Variants in PCMTD1 observed in about 807,000 individuals in gnomAD.
The protein encoded by PCMTD1 is protein-L-isoaspartate (D-aspartate) O-methyltransferase domain containing 1, also known as protein-L-isoaspartate O-methyltransferase domain-containing protein 1.
PCMTD1 carries 12 observed loss-of-function variants against 37.6 expected under a neutral mutation model. The ratio of observed to expected loss-of-function variants is 0.32; its 90% CI spans 0.20 to 0.52. The LOEUF (loss-of-function observed/expected upper bound fraction) is 0.52. Ranked by LOEUF, PCMTD1 falls within the 20% of genes least tolerant of loss-of-function variation. PCMTD1 has a pLI of 0.97. For missense variants in PCMTD1, 235 were observed against 421.3 expected, an observed-to-expected ratio of 0.56 and a Z score of 3.87; for synonymous variants, 117 against 135.8, an observed-to-expected ratio of 0.86 and a Z score of 0.96.
chr8:51,870,086 T>C (rs569385455), intron 1 of PCMTD1, among the ~76,000 whole-genome samples: 1 of 152,250 alleles, frequency 6.6e-6, no homozygotes, highest in East Asian at 1.9e-4. Context: ...AGCAGACCAA[T>C]GGCAGACAGA....
chr8:51,837,550 T>C (rs1450224210), intron 3 of PCMTD1, among the ~76,000 whole-genome samples: 1 of 152,166 alleles, frequency 6.6e-6, no homozygotes, highest in Non-Finnish European at 1.5e-5. Context: ...GGATTATTAT[T>C]TAAATATGGC....
intron 1 of PCMTD1, among the ~76,000 whole-genome samples, chr8:51,866,443 A>G (rs1372215291): frequency 1.3e-5 from 2 of 151,990 alleles, no homozygotes; most frequent in Non-Finnish European, 1.5e-5. Context: ...ATGACCAATC[A>G]AAGTAGATGG....
intron 2 of PCMTD1, among the ~76,000 whole-genome samples, chr8:51,858,139 T>C (rs2038417996): frequency 6.6e-6 from 1 of 152,188 alleles, no homozygotes; most frequent in African/African-American, 2.4e-5. Context: ...AAATCACAGA[T>C]GCCCCACTCT....
In PCMTD1 at chr8:51,878,582, T is replaced by C. The variant is rs539735269; in HGVS notation, c.-95-17336A>G. ...GGCAACATAGTGAGACCCTCATCTC[T>C]ACAAAAAATTTAAAAAATTAGCCAG... On this transcript the variant is annotated intron_variant, in intron 1 of 5. Coordinates refer to ENST00000522514, the MANE Select transcript of PCMTD1 (RefSeq NM_052937.4). 3.3e-5 allele frequency among the ~76,000 whole-genome samples: 5 copies of C among 150,762 alleles called. No individual in the cohort carries two copies. In the East Asian group the frequency reaches 8.1e-4, roughly 24 times the overall value.
chr8:51,890,087 C>T (rs750598999), intron 1 of PCMTD1, among the ~76,000 whole-genome samples: 26 of 145,690 alleles, frequency 1.8e-4, no homozygotes, highest in Non-Finnish European at 2.8e-4. Flanking sequence ...GATTACCTCC[C>T]TTTTCTTTAA....
At chr8:51,899,121 A>G (rs10106734), upstream of PCMTD1, 1,388,025 of 1,418,964 alleles carry the variant, frequency 0.98, 679,093 homozygotes, top group East Asian at 1. Context: ...TGCGCAGAGA[A>G]CCACGGGCAC....
intron 1 of PCMTD1, among the ~76,000 whole-genome samples, chr8:51,865,422 C>T (rs1167503109): frequency 6.6e-6 from 1 of 151,998 alleles, no homozygotes; most frequent in Admixed American, 6.6e-5. Flanking sequence ...CTGCAAAAAT[C>T]CTTAACAAAA....
At chr8:51,859,040 C>A (rs2038433183) in intron 2 of PCMTD1, among the ~76,000 whole-genome samples, 1 of 152,138 alleles carries the variant, frequency 6.6e-6, no homozygotes, top group African/African-American at 2.4e-5. Context: ...GGCAAGATAG[C>A]AAATTATGAT....
chr8:51,847,638 A>G (rs1380683120), intron 2 of PCMTD1, among the ~76,000 whole-genome samples: 1 of 152,192 alleles, frequency 6.6e-6, no homozygotes, highest in East Asian at 1.9e-4. Context: ...AAAAAAGAAA[A>G]AAAAATGAAA....
intron 1 of PCMTD1, among the ~76,000 whole-genome samples, chr8:51,898,094 T>C (rs1327278677): frequency 6.6e-6 from 1 of 152,172 alleles, no homozygotes; most frequent in Admixed American, 6.5e-5. Flanking sequence ...AGCAGTACTT[T>C]TGTAATTAAA....
intron 5 of PCMTD1, among the ~76,000 whole-genome samples, chr8:51,826,491 G>A (rs2129273926): frequency 6.6e-6 from 1 of 152,146 alleles, no homozygotes; most frequent in East Asian, 1.9e-4. Context: ...TGCACATTCT[G>A]CACATGTACC....
At chr8:51,893,673 C>A (rs1184825637) in intron 1 of PCMTD1, among the ~76,000 whole-genome samples, 2 of 152,028 alleles carry the variant, frequency 1.3e-5, no homozygotes, top group African/African-American at 4.8e-5. Flanking sequence ...GATATGTGCA[C>A]ATGGAAAGAC....
At chr8:51,837,067 G>A (rs1486233500) in intron 3 of PCMTD1, among the ~76,000 whole-genome samples, 1 of 152,026 alleles carries the variant, frequency 6.6e-6, no homozygotes, top group East Asian at 1.9e-4. Context: ...TGGGCCAGGG[G>A]GGCCTTTCTG....
Position 51,817,796 on chromosome 8 carries a change from T to A in PCMTD1, c.*2555A>T. 1 of 456,188 alleles carries A rather than the reference T, an allele frequency of 2.2e-6. No homozygotes were observed. The allele number at this position is 456,188 out of a possible 1,614,324, so 28.3% of individuals were successfully genotyped here. ...TAAGCAGTATAGATTTAAATTATCT[T>A]CTTGGGTTGGTCTGAGGTTGCTGAT... On this transcript the variant is annotated 3_prime_UTR_variant, in exon 6 of 6. Transcript: ENST00000522514.
Position 51,818,526 on chromosome 8 carries a change from T to G in PCMTD1, c.*1825A>C, listed in dbSNP as rs1201063901. 6.6e-6 allele frequency: 1 copy of G among 152,468 alleles called. No homozygotes were observed. The highest frequency in any genetic ancestry group is 2.4e-5 in the African/African-American group (1 of 41,472). The allele number at this position is 152,468 out of a possible 1,614,324, so 9.4% of individuals were successfully genotyped here. The stretch of plus-strand genomic sequence containing the variant: ...GTAACTAGGTACTTCAAAAGCCACA[T>G]TTAATTCAAAATAAAATGAGCATTT... On this transcript the variant is annotated 3_prime_UTR_variant, in exon 6 of 6. Coordinates refer to ENST00000522514, the MANE Select transcript of PCMTD1 (RefSeq NM_052937.4).
chr8:51,886,664 CATCTTA>C (rs2038868630), intron 1 of PCMTD1, among the ~76,000 whole-genome samples: 1 of 152,188 alleles, frequency 6.6e-6, no homozygotes, highest in Non-Finnish European at 1.5e-5. Flanking sequence ...TTATAAATGT[CATCTTA>C]ATCTTTTGTT....
At chr8:51,845,952 GA>G (rs567393246) in intron 2 of PCMTD1, among the ~76,000 whole-genome samples, 189 bp from the exon 3 acceptor site, 33 of 148,236 alleles carry the variant, frequency 2.2e-4, no homozygotes, top group Admixed American at 6.7e-4. Flanking sequence ...AAAAAAAGGG[GA>G]AAAAAAAAAG....
chr8:51,831,767 A>G (rs1420322305), intron 4 of PCMTD1, among the ~76,000 whole-genome samples, 200 bp from the exon 5 acceptor site: 1 of 152,208 alleles, frequency 6.6e-6, no homozygotes, highest in Non-Finnish European at 1.5e-5. Context: ...GTTAATACAG[A>G]TGTTTTAACG....
At chr8:51,899,096 G>A (rs1179521783), upstream of PCMTD1, 9 of 1,471,162 alleles carry the variant, frequency 6.1e-6, no homozygotes, top group East Asian at 8.4e-5. Flanking sequence ...CTCCGGAGCC[G>A]CCGGGGTCCG....
Sources: allele counts gnomAD v4.1 joint callset (sites outside exome capture counted in the v4.1 genomes callset), GRCh38; gene constraint gnomAD v4.1.1; transcripts MANE v1.5; gene names NCBI Gene and HGNC (gene_info 2026-07-23, HGNC 2026-07-21).